Variants in SNED1 observed in about 807,000 individuals in gnomAD.
SNED1 encodes the protein sushi, nidogen and EGF like domains 1.
Under a neutral mutation model 166.7 loss-of-function variants are expected in SNED1, and 81 were observed. That is an observed-to-expected ratio of 0.49 (90% CI 0.41 to 0.58). SNED1 has a LOEUF of 0.58. Ranked by LOEUF, SNED1 falls within the 20% of genes least tolerant of loss-of-function variation. The pLI, the probability that SNED1 is intolerant of heterozygous loss-of-function variation, is 0.00. For missense variants in SNED1, 1,604 were observed against 2,000.2 expected (o/e 0.80, Z 3.78); for synonymous variants, 762 against 822.0 (o/e 0.93, Z 1.25).
rs1574941279 is a variant in SNED1 at position 241,034,513 on chromosome 2, C to T, written c.643-55C>T. ...CATGGTGGGGGCAGGGTAACCCCCA[C>T]CTCTGTAGACCTGGGGAACTGGCCT... On this transcript the variant is annotated intron_variant, in intron 3 of 31. Transcript: ENST00000310397. The T allele has an allele frequency of 2.0e-5, 30 of 1,487,694 alleles. No individual in the cohort carries two copies. In the East Asian group the frequency reaches 7.1e-4, roughly 35 times the overall value. 92.2% of individuals were successfully genotyped at this position (1,487,694 alleles called of 1,614,324 possible).
Position 240,999,696 on chromosome 2 carries a change from G to A in SNED1, c.213+646G>A, listed in dbSNP as rs2060017417. Among the ~76,000 whole-genome samples, 1 of 152,164 alleles carries A rather than the reference G, an allele frequency of 6.6e-6. No individual in the cohort carries two copies. The highest frequency in any genetic ancestry group is 6.5e-5 in the Admixed American group (1 of 15,280). On this transcript the variant is annotated intron_variant, in intron 1 of 31. Transcript: ENST00000310397. This position sits in a 1 kb window ranked among gnomAD's most constrained non-coding sequence, Gnocchi z 5.8. ...CTCCCAGTGGGACTCCTGGGGCCAG[G>A]GACTCATGACAGCAGGCTCAGCTCA...
At chr2:241,033,697 G>A (rs1362463703) in intron 2 of SNED1, 38 bp from the exon 3 acceptor site, 5 of 1,591,238 alleles carry the variant, frequency 3.1e-6, no homozygotes, top group Non-Finnish European at 2.6e-6. Context: ...TGGGCCAAGG[G>A]GAGTGCAGGG....
chr2:241,065,276 T>G, intron 20 of SNED1, 23 bp from the exon 21 acceptor site: 1 of 1,611,552 alleles, frequency 6.2e-7, no homozygotes, highest in Non-Finnish European at 8.5e-7. Context: ...TCCCCTCCCC[T>G]TGTTTTGACC....
chr2:241,033,538 A>T (rs916163082), intron 2 of SNED1, 197 bp from the exon 3 acceptor site: 6 of 586,122 alleles, frequency 1.0e-5, no homozygotes, highest in African/African-American at 1.9e-5. Flanking sequence ...GCCTCTGCTG[A>T]GTGGCAGGCG....
In SNED1 at chr2:241,034,600, C is replaced by T. The variant is rs751474096; in HGVS notation, c.675C>T (p.Tyr225=). The change falls in exon 4 of 32, where the codon TAC becomes TAT. Residue 225 remains tyrosine, a synonymous_variant. Transcript: ENST00000310397. ...AGFNAGDGQR[Y]FSIPGSRTAD... ...TCAACGCAGGCGATGGGCAGCGTTA[C>T]TTCAGTATCCCCGGCTCGCGCACAG... is the stretch of plus-strand genomic sequence containing the variant. The T allele has an allele frequency of 1.9e-6, 3 of 1,610,902 alleles. No homozygotes were observed. The highest frequency in any genetic ancestry group is 1.7e-6 in the Non-Finnish European group (2 of 1,178,722).
At chr2:241,016,850 C>CTTTTTTT (rs5839783) in intron 1 of SNED1, among the ~76,000 whole-genome samples, 1 of 125,812 alleles carries the variant, frequency 7.9e-6, no homozygotes, top group Non-Finnish European at 1.7e-5. Context: ...TTCTTTCTTT[C>CTTTTTTT]TTTTTTTTTT....
At position 241,067,437 on chromosome 2, in the gene SNED1, C is replaced by T. The variant is rs149930095; in HGVS notation, c.3011-327C>T. 1.1e-3 allele frequency among the ~76,000 whole-genome samples: 175 copies of T among 152,350 alleles called. 1 individual carries two copies. Among genetic ancestry groups the T allele is most frequent in the African/African-American group, 4.0e-3 (165 of 41,578 alleles). ...CAGAAAAGGGGAGGTCCGGGTTACT[C>T]ATGTCCAGAGGGACTCCGGCCCATC... On this transcript the variant is annotated intron_variant, in intron 21 of 31. Coordinates refer to ENST00000310397, the MANE Select transcript of SNED1 (RefSeq NM_001080437.3).
chr2:241,009,585 G>A (rs2060323818), intron 1 of SNED1, among the ~76,000 whole-genome samples: 1 of 152,128 alleles, frequency 6.6e-6, no homozygotes, highest in Admixed American at 6.5e-5. Flanking sequence ...CATGGGGACA[G>A]GGAAGCCACA....
rs547423016 is a variant in SNED1, at chr2:241,051,993, C to T, written c.1853-48C>T. On this transcript the variant is annotated intron_variant, in intron 13 of 31. Transcript: ENST00000310397. This position sits in a 1 kb window ranked among gnomAD's most constrained non-coding sequence, Gnocchi z 4.7. ...GCCCCAGCTCTGGGATGTTGGGGAA[C>T]GTGGGAGGGGCAGTGGGCTGTGACC... 3.0e-5 allele frequency: 47 copies of T among 1,560,492 alleles called. No homozygotes were observed. The East Asian group carries it at 3.2e-4, about 11-fold the overall frequency.
intron 27 of SNED1, among the ~76,000 whole-genome samples, chr2:241,076,115 T>C (rs1434850698): frequency 6.6e-6 from 1 of 152,218 alleles, no homozygotes; most frequent in African/African-American, 2.4e-5. Flanking sequence ...GTATCATTGC[T>C]ACCCTTGGCC....
In SNED1 at chr2:241,037,309, G is replaced by A. The variant is rs200471918; in HGVS notation, c.1001G>A (p.Arg334His). 8.3e-5 allele frequency: 134 copies of A among 1,611,024 alleles called. No individual in the cohort carries two copies. The highest frequency in any genetic ancestry group is 1.9e-4 in the African/African-American group (14 of 75,020). Residue 334 changes from arginine (R) to histidine (H), a missense_variant, in exon 6 of 32, where the codon CGC becomes CAC. This residue lies in a region of SNED1 where 1,237 missense variants were observed against 1,620.8 expected (regional missense o/e 0.76). Transcript: ENST00000310397. ...TGTACTCACGGCATCAACAGTTTCC[G>A]CTGCCAGTGCCCGGCTGGCTTTGGG... is the stretch of plus-strand genomic sequence containing the variant. ...GTCTHGINSF[R>H]CQCPAGFGGP...
intron 27 of SNED1, among the ~76,000 whole-genome samples, chr2:241,078,927 A>G (rs1349711086): frequency 6.6e-6 from 1 of 151,018 alleles, no homozygotes; most frequent in East Asian, 2.0e-4. Flanking sequence ...CAGCCTGGCC[A>G]ACATAGGGAA....
intron 5 of SNED1, 61 bp from the exon 6 acceptor site, chr2:241,037,179 T>A: frequency 7.1e-7 from 1 of 1,405,874 alleles, no homozygotes; most frequent in South Asian, 1.2e-5. Flanking sequence ...ACCCGAGCCC[T>A]TAGAGAAAAC....
At chr2:241,089,881 G>T in intron 31 of SNED1, 1 of 1,493,386 alleles carries the variant, frequency 6.7e-7, no homozygotes, top group South Asian at 1.4e-5. Context: ...GCGTGTTACT[G>T]AATACTGTAG....
intron 16 of SNED1, among the ~76,000 whole-genome samples, chr2:241,058,903 T>A (rs1485920936): frequency 6.6e-6 from 1 of 151,300 alleles, no homozygotes; most frequent in African/African-American, 2.4e-5. Flanking sequence ...TGAGCCAAGA[T>A]CGCACCACTG....
At chr2:241,037,176 C>A (rs747231949) in intron 5 of SNED1, 64 bp from the exon 6 acceptor site, 3 of 1,374,352 alleles carry the variant, frequency 2.2e-6, no homozygotes, top group Non-Finnish European at 3.0e-6. Flanking sequence ...CCAACCCGAG[C>A]CCTTAGAGAA....
intron 16 of SNED1, among the ~76,000 whole-genome samples, chr2:241,056,487 T>C (rs375608726): frequency 6.8e-5 from 10 of 146,388 alleles, no homozygotes; most frequent in African/African-American, 2.6e-4. Context: ...AAAAAAACCA[T>C]AGAACTCAAA....
chr2:241,090,868 CAAAAAA>C (rs371271027), intron 31 of SNED1, among the ~76,000 whole-genome samples: 4 of 100,798 alleles, frequency 4.0e-5, no homozygotes, highest in Admixed American at 1.1e-4. Flanking sequence ...CCCTCTGTCT[CAAAAAA>C]AAAAAAAAAA....
chr2:241,080,513 G>C (rs1390941263), intron 27 of SNED1, among the ~76,000 whole-genome samples: 1 of 152,178 alleles, frequency 6.6e-6, no homozygotes, highest in African/African-American at 2.4e-5. Flanking sequence ...AGAAATGGGT[G>C]ATTCCAAGAC....
Sources: gnomAD v4.1 joint callset for allele counts (sites outside exome capture counted in the v4.1 genomes callset) on GRCh38, gnomAD v4.1.1 for gene constraint, gnomAD v4.1.1 regional missense constraint, Gnocchi (gnomAD v3.1) non-coding constraint, MANE v1.5 for transcripts, NCBI Gene and HGNC (gene_info 2026-07-23, HGNC 2026-07-21) for gene names.